The following NRAP variants were observed in gnomAD, a reference collection of about 807,000 sequenced individuals.
NRAP encodes nebulin related anchoring protein.
Under a neutral mutation model 225.9 loss-of-function variants are expected in NRAP, and 189 were observed. That is an observed-to-expected ratio of 0.84 (90% CI 0.74 to 0.94). The LOEUF (loss-of-function observed/expected upper bound fraction) is 0.94. Ranked by LOEUF, NRAP falls within the 40% of genes least tolerant of loss-of-function variation. NRAP has a pLI of 0.00. For synonymous variants in NRAP, 769 were observed against 790.7 expected (o/e 0.97, Z 0.46); for missense variants, 2,176 against 2,168.7 (o/e 1.00, Z -0.07).
chr10:113,658,423 A>C (rs1173996826), intron 3 of NRAP, among the ~76,000 whole-genome samples: 1 of 152,220 alleles, frequency 6.6e-6, no homozygotes, highest in African/African-American at 2.4e-5. Context: ...GAATGTATAG[A>C]TTAATTGGGG....
chr10:113,618,050 C>G (rs1847773583), intron 25 of NRAP, among the ~76,000 whole-genome samples: 1 of 151,090 alleles, frequency 6.6e-6, no homozygotes, highest in South Asian at 2.1e-4. Context: ...GAGCCTAGTT[C>G]AGTTAACACA....
Position 113,597,322 on chromosome 10 carries a change from A to G in NRAP, c.4333-138T>C. 4 of 626,734 alleles carry G rather than the reference A, an allele frequency of 6.4e-6. No homozygotes were observed. The South Asian group carries it at 7.3e-5, about 12-fold the overall frequency. 38.8% of individuals were successfully genotyped at this position (626,734 alleles called of 1,614,324 possible). A position where few individuals can be genotyped will look rare whatever the true frequency, so the allele number is the denominator to read the frequency against. On this transcript the variant is annotated intron_variant, in intron 36 of 41. Coordinates refer to ENST00000359988, the MANE Select transcript of NRAP (RefSeq NM_198060.4). ...AAACAAGCCTTTCTTCTTGGTAGGT[A>G]CCTAACAATCAAGAGTATAAAAAGA... is the stretch of plus-strand genomic sequence containing the variant.
rs368972487 is a variant in NRAP at position 113,589,651 on chromosome 10, C to T, written c.5088+15G>A. On this transcript the variant is annotated intron_variant, in intron 41 of 41. Transcript: ENST00000359988. ...GCCTTGCAAGCCAGGGGTGGCTTTG[C>T]AGCTTGCTACTCACGTAAGCTCCCT... The T allele has an allele frequency of 6.8e-6, 11 of 1,608,566 alleles. No individual in the cohort carries two copies. The African/African-American group carries it at 1.5e-4, about 22-fold the overall frequency.
chr10:113,593,623 T>C (rs773032178), intron 38 of NRAP, among the ~76,000 whole-genome samples: 18 of 152,206 alleles, frequency 1.2e-4, no homozygotes, highest in Non-Finnish European at 1.5e-4. Context: ...TGGGTCATCA[T>C]TGAGTTTAGC....
At chr10:113,619,929 A>G (rs1209002601) in intron 25 of NRAP, among the ~76,000 whole-genome samples, 2 of 152,158 alleles carry the variant, frequency 1.3e-5, no homozygotes, top group African/African-American at 4.8e-5. Context: ...CACAGAGGGC[A>G]CTACTGACAT....
Position 113,640,303 on chromosome 10 carries a change from T to C in NRAP, c.1352A>G (p.Asp451Gly), listed in dbSNP as rs534732732. The change falls in exon 14 of 42, where the codon GAT (aspartate) becomes GGT (glycine). Residue 451 changes from aspartate to glycine, a missense_variant. Asp to Gly is a moderately conservative substitution (Grantham distance 94). Coordinates refer to ENST00000359988, the MANE Select transcript of NRAP (RefSeq NM_198060.4). The stretch of plus-strand genomic sequence containing the variant: ...GGCTGGGTAGTTGTAGTCGACAATA[T>C]CATGTTTATAATCAGCTTTGTAGGC... The part of the protein sequence containing the change: ...NVAYKADYKH[D>G]IVDYNYPATL... 1.5e-5 allele frequency: 24 copies of C among 1,599,666 alleles called. No homozygotes were observed. The Middle Eastern group carries it at 5.0e-4, about 33-fold the overall frequency.
intron 3 of NRAP, among the ~76,000 whole-genome samples, chr10:113,660,339 TACAC>T (rs1030259457): frequency 3.3e-4 from 50 of 151,938 alleles, no homozygotes; most frequent in African/African-American, 1.2e-3. Context: ...CACACCTACA[TACAC>T]ACATATACAC....
At chr10:113,625,591 C>T (rs1163070220) in intron 21 of NRAP, among the ~76,000 whole-genome samples, 2 of 152,172 alleles carry the variant, frequency 1.3e-5, no homozygotes, top group African/African-American at 2.4e-5. Flanking sequence ...TATGGTCCTC[C>T]TTGGTGTAGA....
At chr10:113,600,905 CTGT>C (rs765484036) in intron 35 of NRAP, among the ~76,000 whole-genome samples, 29 of 152,296 alleles carry the variant, frequency 1.9e-4, no homozygotes, top group Non-Finnish European at 3.1e-4. Flanking sequence ...TTAGTTAGTG[CTGT>C]TGTTGTTATT....
rs187990373 is a variant in NRAP, at chr10:113,620,671, A to G, written c.2807T>C (p.Met936Thr). The G allele has an allele frequency of 3.1e-6, 5 of 1,613,206 alleles. No homozygotes were observed. The highest frequency in any genetic ancestry group is 4.2e-6 in the Non-Finnish European group (5 of 1,179,722). ...YRADVKWMKGMGWVATGSLNV... is the reference protein window; with the variant it reads ...YRADVKWMKGTGWVATGSLNV... ...TAATGACCCGGTGGCGACCCAGCCC[A>G]TGCCTTTCATCCACTTCACATCTGC... The change falls in exon 25 of 42, where the codon ATG becomes ACG. Residue 936 changes from methionine to threonine, a missense_variant. Physicochemically the swap from Met to Thr is moderately conservative, Grantham distance 81. This residue lies in a region of NRAP where 1,708 missense variants were observed against 1,695.5 expected (regional missense o/e 1.01). Transcript: ENST00000359988.
Position 113,626,110 on chromosome 10 carries a change from G to A in NRAP, c.2181C>T (p.Phe727=), listed in dbSNP as rs1193832082. 2 of 1,611,774 alleles carry A rather than the reference G, an allele frequency of 1.2e-6. No homozygotes were observed. The highest frequency in any genetic ancestry group is 1.7e-6 in the Non-Finnish European group (2 of 1,179,202). The change falls in exon 21 of 42, where the codon TTC becomes TTT. Residue 727 remains phenylalanine, a synonymous_variant. Transcript: ENST00000359988. ...NYRQRVDELK[F]TSVTDSSQME... ...TCTGGGAGCTGTCGGTCACGCTGGT[G>A]AACTTCAGCTCATCGACCCTCTGCC... is the stretch of plus-strand genomic sequence containing the variant.
At chr10:113,617,220 G>A (rs1270769811) in intron 26 of NRAP, among the ~76,000 whole-genome samples, 2 of 152,138 alleles carry the variant, frequency 1.3e-5, no homozygotes, top group African/African-American at 4.8e-5. Flanking sequence ...AGGAGGGAGA[G>A]CATCTTGGGG....
chr10:113,610,642 A>C, intron 30 of NRAP, 79 bp from the exon 31 acceptor site: 8 of 799,898 alleles, frequency 1.0e-5, no homozygotes, highest in Non-Finnish European at 1.7e-5. Context: ...CAGAGGTCTC[A>C]TGACACAGCA....
chr10:113,615,698 TG>T lies in NRAP; in HGVS notation c.3078+13del, dbSNP rs1847616703. 6.7e-7 allele frequency: 1 copy of T among 1,498,140 alleles called. No individual in the cohort carries two copies. The highest frequency in any genetic ancestry group is 1.4e-5 in the African/African-American group (1 of 72,880). The allele number at this position is 1,498,140 out of a possible 1,614,324, so 92.8% of individuals were successfully genotyped here. ...TCCCGTCATTAAAACTCGTGCCCCT[TG>T]GGTCAGCCTCACCTCACTGATATTC... is the stretch of plus-strand genomic sequence containing the variant. On this transcript the variant is annotated intron_variant, in intron 27 of 41. Coordinates refer to ENST00000359988, the MANE Select transcript of NRAP (RefSeq NM_198060.4).
intron 8 of NRAP, 74 bp from the exon 9 acceptor site, chr10:113,650,215 T>C: frequency 1.0e-6 from 1 of 967,486 alleles, no homozygotes; most frequent in Non-Finnish European, 1.7e-6. Context: ...AAAGTGAATG[T>C]CTTAATGGAA....
chr10:113,593,147 C>G (rs1373029618), intron 38 of NRAP, among the ~76,000 whole-genome samples: 6 of 152,070 alleles, frequency 3.9e-5, no homozygotes, highest in African/African-American at 7.2e-5. Flanking sequence ...AGAAGGGAGA[C>G]AGCAGGAGAG....
chr10:113,607,472 A>G (rs969269014), intron 32 of NRAP, among the ~76,000 whole-genome samples: 4 of 150,824 alleles, frequency 2.7e-5, no homozygotes, highest in East Asian at 1.9e-4. Flanking sequence ...AAAAAAAGAA[A>G]TGGGTCTATG....
intron 40 of NRAP, 66 bp from the exon 41 acceptor site, chr10:113,589,863 A>C: frequency 3.9e-6 from 6 of 1,554,862 alleles, no homozygotes; most frequent in Non-Finnish European, 4.4e-6. Flanking sequence ...ACCATTAAGT[A>C]AAGAAGATTA....
At chr10:113,630,425 A>G (rs1207871840) in intron 18 of NRAP, among the ~76,000 whole-genome samples, 1 of 152,086 alleles carries the variant, frequency 6.6e-6, no homozygotes, top group Non-Finnish European at 1.5e-5. Context: ...GATGGTAATT[A>G]TGGTGTGGTG....
Sources: gnomAD v4.1 joint callset for allele counts (sites outside exome capture counted in the v4.1 genomes callset) on GRCh38, gnomAD v4.1.1 for gene constraint, gnomAD v4.1.1 regional missense constraint, MANE v1.5 for transcripts, NCBI Gene and HGNC (gene_info 2026-07-23, HGNC 2026-07-21) for gene names.